DCC: variants seen among roughly 807,000 people sequenced by gnomAD.
The protein encoded by DCC is DCC netrin 1 receptor, also known as netrin receptor DCC.
Under a neutral mutation model 172.5 loss-of-function variants are expected in DCC, and 58 were observed. The ratio of observed to expected loss-of-function variants is 0.34; its 90% CI spans 0.27 to 0.42. The LOEUF (loss-of-function observed/expected upper bound fraction) is 0.42. DCC is among the 10% of genes least tolerant of loss of function. The pLI, the probability that DCC is intolerant of heterozygous loss-of-function variation, is 1.00. For missense variants in DCC, 1,740 were observed against 1,791.0 expected, an observed-to-expected ratio of 0.97 and a Z score of 0.51; for synonymous variants, 709 against 644.5, an observed-to-expected ratio of 1.10 and a Z score of -1.52.
intron 1 of DCC, among the ~76,000 whole-genome samples, chr18:52,452,306 A>G (rs1336751729): frequency 6.6e-6 from 1 of 152,222 alleles, no homozygotes; most frequent in Non-Finnish European, 1.5e-5. Flanking sequence ...TACTCTCTCT[A>G]TATTTCATAT....
chr18:52,415,343 G>C (rs1203485012), intron 1 of DCC, among the ~76,000 whole-genome samples: 1 of 152,202 alleles, frequency 6.6e-6, no homozygotes, highest in African/African-American at 2.4e-5. Context: ...ACTCTGGAAA[G>C]CATCCATCTC....
At chr18:52,454,154 CA>C (rs1341143077) in intron 1 of DCC, among the ~76,000 whole-genome samples, 1 of 151,428 alleles carries the variant, frequency 6.6e-6, no homozygotes, top group African/African-American at 2.4e-5. Context: ...ATATCTACAC[CA>C]GGGAAGACAT....
intron 7 of DCC, among the ~76,000 whole-genome samples, chr18:53,116,941 C>A (rs1284375143): frequency 2.6e-5 from 4 of 151,570 alleles, no homozygotes; most frequent in Middle Eastern, 3.2e-3. Context: ...TCTCTTGTGA[C>A]CAAAATAGTT....
rs76512767 is a variant in DCC at position 53,325,323 on chromosome 18, G to A, written c.2164+3166G>A. Among the ~76,000 whole-genome samples, 167 of 151,662 alleles carry A rather than the reference G, an allele frequency of 1.1e-3. 2 individuals carry two copies. In the East Asian group the frequency reaches 0.027, roughly 25 times the overall value. Reference sequence around the variant, plus strand: ...ACACAGTGATTCAAGGCAAACAAACGATTCTAAGAAGTGAGATCACGTTAT... The same window carrying A: ...ACACAGTGATTCAAGGCAAACAAACAATTCTAAGAAGTGAGATCACGTTAT... On this transcript the variant is annotated intron_variant, in intron 14 of 28. Transcript: ENST00000442544.
At chr18:52,412,962 T>C (rs1986891444) in intron 1 of DCC, among the ~76,000 whole-genome samples, 1 of 152,150 alleles carries the variant, frequency 6.6e-6, no homozygotes, top group South Asian at 2.1e-4. Context: ...ATTGTTACTA[T>C]GCATTTATAC....
chr18:52,370,461 G>A (rs1199234180), intron 1 of DCC, among the ~76,000 whole-genome samples: 6 of 152,136 alleles, frequency 3.9e-5, no homozygotes, highest in African/African-American at 1.4e-4. Flanking sequence ...ACTAATGCAG[G>A]AACAGGAAAC....
chr18:53,414,751 G>A (rs1460475108), intron 20 of DCC, among the ~76,000 whole-genome samples: 20 of 152,174 alleles, frequency 1.3e-4, no homozygotes. Flanking sequence ...GAGAGGCTGA[G>A]GCAGGAGAAT....
At chr18:52,877,926 A>T in intron 2 of DCC, among the ~76,000 whole-genome samples, 1 of 152,128 alleles carries the variant, frequency 6.6e-6, no homozygotes, top group East Asian at 1.9e-4. Flanking sequence ...TATTAATGAT[A>T]ATGTAAAGAG....
At chr18:52,944,493 T>C (rs2040511285) in intron 5 of DCC, among the ~76,000 whole-genome samples, 1 of 152,164 alleles carries the variant, frequency 6.6e-6, no homozygotes, top group African/African-American at 2.4e-5. Context: ...TCCCAGTTTT[T>C]CTTTAAGAGT....
chr18:53,207,625 A>G, intron 10 of DCC, 54 bp from the exon 11 acceptor site: 3 of 1,537,752 alleles, frequency 2.0e-6, no homozygotes, highest in Non-Finnish European at 2.7e-6. Flanking sequence ...AATGAGTGCC[A>G]TTTCTACTTT....
At chr18:52,383,598 T>C (rs1299436553) in intron 1 of DCC, among the ~76,000 whole-genome samples, 1 of 152,088 alleles carries the variant, frequency 6.6e-6, no homozygotes, top group East Asian at 1.9e-4. Flanking sequence ...TAGTCTCTTC[T>C]TTTTATTTAT....
intron 5 of DCC, among the ~76,000 whole-genome samples, chr18:53,010,397 C>T (rs1346257126): frequency 1.3e-5 from 2 of 151,608 alleles, no homozygotes; most frequent in Non-Finnish European, 3.0e-5. Context: ...TTGAAACACA[C>T]CCAATATTTA....
Position 53,246,772 on chromosome 18 carries a change from GT to G in DCC, c.1911+31180del, listed in dbSNP as rs566538179. On this transcript the variant is annotated intron_variant, in intron 12 of 28. Transcript: ENST00000442544. ...AATGGAGAGTAGAATTGCATGGTAT[GT>G]TTTTAGTAGTAGAATAGCCGAATTA... is the stretch of plus-strand genomic sequence containing the variant. Among the ~76,000 whole-genome samples, 9 of 152,168 alleles carry G rather than the reference GT, an allele frequency of 5.9e-5. No individual in the cohort carries two copies. The South Asian group carries it at 1.9e-3, about 32-fold the overall frequency.
intron 5 of DCC, among the ~76,000 whole-genome samples, chr18:52,943,265 C>A (rs1032486940): frequency 1.3e-5 from 2 of 152,124 alleles, no homozygotes; most frequent in African/African-American, 4.8e-5. Flanking sequence ...GCCTCTTTCT[C>A]CTTTGGATTT....
intron 17 of DCC, among the ~76,000 whole-genome samples, chr18:53,395,054 G>A (rs113961895): frequency 0.24 from 36,351 of 150,772 alleles, 4,819 homozygotes; most frequent in East Asian, 0.41. Context: ...GGAGGCTGAG[G>A]CATGCGAATC....
intron 2 of DCC, among the ~76,000 whole-genome samples, chr18:52,803,305 A>G (rs2145231352): frequency 6.6e-6 from 1 of 152,324 alleles, no homozygotes. Flanking sequence ...TGTGGAGATG[A>G]TGAGCATCAC....
At chr18:52,423,550 A>G (rs1987322101) in intron 1 of DCC, among the ~76,000 whole-genome samples, 1 of 151,852 alleles carries the variant, frequency 6.6e-6, no homozygotes, top group African/African-American at 2.4e-5. Flanking sequence ...TTCTCCTGTC[A>G]GAAAAAAAAA....
At chr18:53,526,939 T>C in intron 28 of DCC, 180 bp downstream of exon 28, 1 of 649,628 alleles carries the variant, frequency 1.5e-6, no homozygotes, top group Non-Finnish European at 2.7e-6. Flanking sequence ...ATAAAAGCTA[T>C]GAAAAAAAAT....
intron 1 of DCC, among the ~76,000 whole-genome samples, chr18:52,486,444 T>C (rs1365416755): frequency 6.6e-6 from 1 of 152,138 alleles, no homozygotes; most frequent in Non-Finnish European, 1.5e-5. Context: ...TTTCACAAAA[T>C]AGAAAGCAGC....
Sources: gnomAD v4.1 joint callset for allele counts (sites outside exome capture counted in the v4.1 genomes callset) on GRCh38, gnomAD v4.1.1 for gene constraint, MANE v1.5 for transcripts, NCBI Gene and HGNC (gene_info 2026-07-23, HGNC 2026-07-21) for gene names.